The following ARPIN variants were observed in gnomAD, a reference collection of about 807,000 sequenced individuals.
ARPIN encodes the protein UPF0552 protein C15orf38.
In ARPIN, 23 loss-of-function variants were observed where a neutral mutation model predicts 25.9. That is an observed-to-expected ratio of 0.89 (90% confidence interval 0.64 to 1.26). The LOEUF is 1.26. Among genes scored for constraint, ARPIN ranks in the 50% most tolerant of loss-of-function variants. The pLI is 0.00. For missense variants in ARPIN, 333 were observed against 312.2 expected, an observed-to-expected ratio of 1.07 and a Z score of -0.50; for synonymous variants, 126 against 131.4, an observed-to-expected ratio of 0.96 and a Z score of 0.28.
intron 4 of ARPIN, 79 bp from the exon 5 acceptor site, chr15:89,903,458 T>A (rs1897060539): frequency 1.3e-6 from 2 of 1,590,914 alleles, no homozygotes; most frequent in South Asian, 2.3e-5. Context: ...TATGGTGGGG[T>A]CCCCTAGGCC....
chr15:89,906,744 G>T (rs926575981), intron 3 of ARPIN, among the ~76,000 whole-genome samples: 3 of 152,128 alleles, frequency 2.0e-5, no homozygotes, highest in Non-Finnish European at 4.4e-5. Context: ...TCACCCAGGG[G>T]CAGACAGCAA....
intron 5 of ARPIN, among the ~76,000 whole-genome samples, chr15:89,902,163 C>A (rs1567194507): frequency 6.6e-6 from 1 of 152,202 alleles, no homozygotes; most frequent in Non-Finnish European, 1.5e-5. Context: ...AATCCCAGCA[C>A]TTTGGGAGCC....
chr15:89,898,689 G>A lies in ARPIN; in HGVS notation c.*3106C>T, dbSNP rs1277563196. ...AGCTCTTAAGGAGGAAGCGAGCCGA[G>A]AAAGGAGGGTTGTGACATTGTGATG... On this transcript the variant is annotated 3_prime_UTR_variant, in exon 6 of 6. Transcript: ENST00000357484. 6.6e-6 allele frequency: 1 copy of A among 150,896 alleles called. No homozygotes were observed. Among genetic ancestry groups the A allele is most frequent in the African/African-American group, 2.4e-5 (1 of 40,848 alleles). The allele number at this position is 150,896 out of a possible 1,614,324, so 9.3% of individuals were successfully genotyped here.
At chr15:89,908,217 A>G in intron 3 of ARPIN, 63 bp downstream of exon 3, 2 of 1,603,470 alleles carry the variant, frequency 1.2e-6, no homozygotes, top group Non-Finnish European at 1.7e-6. Flanking sequence ...GAGGCTCAGA[A>G]GAGAAAGGCC....
At position 89,896,268 on chromosome 15, in the gene ARPIN, A is replaced by C. The variant is rs1896929731; in HGVS notation, c.*5527T>G. On this transcript the variant is annotated 3_prime_UTR_variant, in exon 6 of 6. Coordinates refer to ENST00000357484, the MANE Select transcript of ARPIN (RefSeq NM_182616.4). ...AAAATGTTTAAAATGTTGAGGAAGAATATCAAAGAAAATTCTGAAACAGAA... is the reference window on the plus strand; with the variant it reads ...AAAATGTTTAAAATGTTGAGGAAGACTATCAAAGAAAATTCTGAAACAGAA... 6.6e-6 allele frequency: 1 copy of C among 152,252 alleles called. No homozygotes were observed. The highest frequency in any genetic ancestry group is 2.1e-4 in the South Asian group (1 of 4,834). 9.4% of individuals were successfully genotyped at this position (152,252 alleles called of 1,614,324 possible). A position where few individuals can be genotyped will look rare whatever the true frequency, so the allele number is the denominator to read the frequency against.
intron 5 of ARPIN, chr15:89,902,870 G>A (rs1423873923): frequency 3.3e-6 from 4 of 1,212,186 alleles, no homozygotes. Context: ...TACGCATTCA[G>A]TTGTTCAACT....
At chr15:89,910,848 C>A (rs1175491893) in intron 1 of ARPIN, 29 bp from the exon 2 acceptor site, 9 of 1,612,834 alleles carry the variant, frequency 5.6e-6, no homozygotes, top group Middle Eastern at 3.3e-4. Flanking sequence ...GAAAGGATAG[C>A]CAGTTTTGTC....
rs753201010 is a variant in ARPIN, at chr15:89,903,250, C to T, written c.638G>A (p.Arg213Gln). The change falls in exon 5 of 6, where the codon CGA (arginine) becomes CAA (glutamine). Residue 213 changes from arginine to glutamine, a missense_variant. Transcript: ENST00000357484. ...GTCCTCTGCCCCATCCCCCTGCTCTCGGATCTCCGCTGCAGCCCCCTTCGA... is the reference window on the plus strand; with the variant it reads ...GTCCTCTGCCCCATCCCCCTGCTCTTGGATCTCCGCTGCAGCCCCCTTCGA... ...KCSKGAAAEI[R>Q]EQGDGAEDEE... The T allele has an allele frequency of 7.4e-6, 12 of 1,614,120 alleles. No homozygotes were observed. Among genetic ancestry groups the T allele is most frequent in the African/African-American group, 2.7e-5 (2 of 74,938 alleles).
chr15:89,912,767 G>T lies in ARPIN; in HGVS notation c.69C>A (p.Ala23=). The change falls in exon 1 of 6, where the codon GCC becomes GCA. Residue 23 remains alanine (A), a synonymous_variant. Transcript: ENST00000357484. ...KAVQSVRLPG[A]WDPAAHQGGN... ...ACCCCTGGTGGGCGGCGGGGTCCCAGGCCCCTGGCAGCCGGACGCTCTGCA... is the reference window on the plus strand; with the variant it reads ...ACCCCTGGTGGGCGGCGGGGTCCCATGCCCCTGGCAGCCGGACGCTCTGCA... 6.7e-7 allele frequency: 1 copy of T among 1,495,808 alleles called. No individual in the cohort carries two copies. 92.7% of individuals were successfully genotyped at this position (1,495,808 alleles called of 1,614,324 possible). A position where few individuals can be genotyped will look rare whatever the true frequency, so the allele number is the denominator to read the frequency against.
At chr15:89,902,229 A>T (rs1184077237) in intron 5 of ARPIN, among the ~76,000 whole-genome samples, 1 of 151,806 alleles carries the variant, frequency 6.6e-6, no homozygotes, top group Non-Finnish European at 1.5e-5. Context: ...CCCAACATGG[A>T]GAAACCTCGT....
Position 89,898,917 on chromosome 15 carries a change from C to G in ARPIN, c.*2878G>C, listed in dbSNP as rs1453222885. Reference sequence around the variant, plus strand: ...GCCTGCCCTAATGCCTGAACCAGTCCTGACCAGGGCAGGAGGTATGGCAAA... The same window carrying G: ...GCCTGCCCTAATGCCTGAACCAGTCGTGACCAGGGCAGGAGGTATGGCAAA... On this transcript the variant is annotated 3_prime_UTR_variant, in exon 6 of 6. Transcript: ENST00000357484. 1 of 152,180 alleles carries G rather than the reference C, an allele frequency of 6.6e-6. No homozygotes were observed. The highest frequency in any genetic ancestry group is 1.5e-5 in the Non-Finnish European group (1 of 68,046). 9.4% of individuals were successfully genotyped at this position (152,180 alleles called of 1,614,324 possible).
At chr15:89,905,534 A>G (rs1322530888) in intron 3 of ARPIN, among the ~76,000 whole-genome samples, 1 of 151,696 alleles carries the variant, frequency 6.6e-6, no homozygotes, top group Admixed American at 6.6e-5. Flanking sequence ...TCCAGACCCC[A>G]TGTACCCCCA....
At chr15:89,901,925 G>A in intron 5 of ARPIN, 122 bp from the exon 6 acceptor site, 2 of 1,181,686 alleles carry the variant, frequency 1.7e-6, no homozygotes, top group South Asian at 1.3e-5. Context: ...GTGCTTGCCT[G>A]GGCGCCTCAT....
intron 3 of ARPIN, among the ~76,000 whole-genome samples, chr15:89,906,396 C>G (rs1225275094): frequency 6.6e-6 from 1 of 152,208 alleles, no homozygotes. Flanking sequence ...TGGGCACCCT[C>G]TGCCTCTCTG....
chr15:89,903,515 C>A, intron 4 of ARPIN, 136 bp from the exon 5 acceptor site: 1 of 1,459,932 alleles, frequency 6.8e-7, no homozygotes, highest in South Asian at 1.3e-5. Flanking sequence ...GTCAATGAGC[C>A]CCTGGGTGGG....
chr15:89,902,192 C>T (rs552179863), intron 5 of ARPIN, among the ~76,000 whole-genome samples: 3 of 151,900 alleles, frequency 2.0e-5, no homozygotes, highest in Admixed American at 6.6e-5. Flanking sequence ...GTGGATCACC[C>T]GAGGTCGGGA....
At chr15:89,903,410 T>C (rs1419212473) in intron 4 of ARPIN, 31 bp from the exon 5 acceptor site, 1 of 1,613,374 alleles carries the variant, frequency 6.2e-7, no homozygotes, top group Non-Finnish European at 8.5e-7. Flanking sequence ...GAATGTCCTC[T>C]GTCCCTGTGG....
intron 1 of ARPIN, 169 bp downstream of exon 1, chr15:89,912,575 G>A: frequency 7.4e-7 from 1 of 1,348,540 alleles, no homozygotes; most frequent in Non-Finnish European, 9.5e-7. Flanking sequence ...GGCGGGCGCG[G>A]CGGCAGGGGC....
intron 4 of ARPIN, among the ~76,000 whole-genome samples, 179 bp downstream of exon 4, chr15:89,903,598 C>T (rs949127641): frequency 1.1e-4 from 17 of 152,208 alleles, no homozygotes; most frequent in African/African-American, 3.4e-4. Flanking sequence ...TCCAGGCTGT[C>T]GAGCCCAATG....
Sources: allele counts gnomAD v4.1 joint callset (sites outside exome capture counted in the v4.1 genomes callset), GRCh38; gene constraint gnomAD v4.1.1; transcripts MANE v1.5; gene names NCBI Gene and HGNC (gene_info 2026-07-23, HGNC 2026-07-21).